Variants in LSR observed in about 807,000 individuals in gnomAD.
LSR encodes lipolysis stimulated lipoprotein receptor, also known as lipolysis-stimulated lipoprotein receptor.
In LSR, 44 loss-of-function variants were observed where a neutral mutation model predicts 61.8. The ratio of observed to expected loss-of-function variants is 0.71; its 90% CI spans 0.56 to 0.91. LSR has a LOEUF of 0.91. LSR is among the 40% of genes least tolerant of loss of function. The pLI is 0.00. For synonymous variants in LSR, 397 were observed against 350.6 expected, an observed-to-expected ratio of 1.13 and a Z score of -1.48; for missense variants, 911 against 830.5, an observed-to-expected ratio of 1.10 and a Z score of -1.19.
At chr19:35,264,874 G>A (rs2065976361) in intron 5 of LSR, 1 of 152,164 alleles carries the variant, frequency 6.6e-6, no homozygotes, top group African/African-American at 2.4e-5. Flanking sequence ...CAGCTGCTGG[G>A]CACTGCCACT....
Position 35,250,189 on chromosome 19 carries a change from A to G in LSR, c.110-126A>G, listed in dbSNP as rs188552425. 2,487 of 590,770 alleles carry G rather than the reference A, an allele frequency of 4.2e-3. 61 individuals carry two copies. Among genetic ancestry groups the G allele is most frequent in the South Asian group, 0.036 (1,122 of 31,192 alleles). 36.6% of individuals were successfully genotyped at this position (590,770 alleles called of 1,614,324 possible). ...CCTCACTGGTCCTGGCAATTAAGGA[A>G]CAATGTGTGCCAGGCACTCTGTAAA... On this transcript the variant is annotated intron_variant, in intron 1 of 9. Transcript: ENST00000605618.
At position 35,250,508 on chromosome 19, in the gene LSR, C is replaced by A. The variant is rs542223511; in HGVS notation, c.303C>A (p.Leu101=). The change falls in exon 2 of 10, where the codon CTC becomes CTA. Residue 101 remains leucine (L), a synonymous_variant. Transcript: ENST00000605618. ...AFSPASVDNQ[L]NAQLAAGNPG... ...CCCCGGCCAGCGTCGACAACCAGCTCAATGCCCAGCTGGCAGCCGGGAACC... is the reference window on the plus strand; with the variant it reads ...CCCCGGCCAGCGTCGACAACCAGCTAAATGCCCAGCTGGCAGCCGGGAACC... The A allele has an allele frequency of 6.2e-7, 1 of 1,614,158 alleles. No individual in the cohort carries two copies. Among genetic ancestry groups the A allele is most frequent in the East Asian group, 2.2e-5 (1 of 44,884 alleles).
Position 35,259,047 on chromosome 19 carries a change from C to A in LSR, c.557C>A (p.Ala186Glu), listed in dbSNP as rs768759698. The change falls in exon 3 of 10, where the codon GCA becomes GAA. Residue 186 changes from alanine to glutamate, a missense_variant. Physicochemically the swap from Ala to Glu is moderately radical, Grantham distance 107. Coordinates refer to ENST00000605618, the MANE Select transcript of LSR (RefSeq NM_205834.4). ...CTCCAGGGGAACAATGAGGCCTACGCAGAGCTCATCGTCCTTGGTGAGTGG... is the reference window on the plus strand; with the variant it reads ...CTCCAGGGGAACAATGAGGCCTACGAAGAGCTCATCGTCCTTGGTGAGTGG... ...QDLQGNNEAY[A>E]ELIVLGRTSG... The A allele has an allele frequency of 1.9e-5, 31 of 1,613,862 alleles. No homozygotes were observed. The highest frequency in any genetic ancestry group is 2.5e-5 in the Non-Finnish European group (29 of 1,179,876).
intron 2 of LSR, 136 bp downstream of exon 2, chr19:35,250,795 C>CTT (rs564341537): frequency 0.021 from 8,635 of 417,182 alleles, 31 homozygotes; most frequent in East Asian, 0.045. Context: ...GGGAGCAATT[C>CTT]TTTTTTTTTT....
In LSR at chr19:35,267,947, T is replaced by C; in HGVS notation, c.*88T>C. 1.4e-6 allele frequency: 2 copies of C among 1,457,494 alleles called. No individual in the cohort carries two copies. Among genetic ancestry groups the C allele is most frequent in the Non-Finnish European group, 1.9e-6 (2 of 1,044,884 alleles). 90.3% of individuals were successfully genotyped at this position (1,457,494 alleles called of 1,614,324 possible). A position where few individuals can be genotyped will look rare whatever the true frequency, so the allele number is the denominator to read the frequency against. ...CCTGCCATACCCCTCCCGAGTCTAA[T>C]AAAACGTATAATCACAAGCTCTGGA... On this transcript the variant is annotated 3_prime_UTR_variant, in exon 10 of 10. Coordinates refer to ENST00000605618, the MANE Select transcript of LSR (RefSeq NM_205834.4).
intron 8 of LSR, 39 bp from the exon 9 acceptor site, chr19:35,267,070 G>A: frequency 6.5e-7 from 1 of 1,529,588 alleles, no homozygotes; most frequent in Non-Finnish European, 8.8e-7. Context: ...CTGGACCCCG[G>A]GCTCCTCCAG....
rs765958583 is a variant in LSR at position 35,267,132 on chromosome 19, CA to C, written c.1169del (p.His390ProfsTer158). On this transcript the variant is annotated frameshift_variant, in exon 9 of 10. Transcript: ENST00000605618. LOFTEE classifies it high-confidence loss of function. ...ERAMSEVTSL[H>X]EDDWRSRPSR... ...AGCCATGAGTGAAGTCACCTCCCTC[CA>C]CGAGGACGACTGGCGATCTCGGCCT... The C allele has an allele frequency of 2.0e-6, 3 of 1,529,674 alleles. No homozygotes were observed. Among genetic ancestry groups the C allele is most frequent in the Non-Finnish European group, 1.7e-6 (2 of 1,142,958 alleles). 94.8% of individuals were successfully genotyped at this position (1,529,674 alleles called of 1,614,324 possible).
intron 5 of LSR, 25 bp from the exon 6 acceptor site, chr19:35,266,334 T>C: frequency 6.5e-7 from 1 of 1,543,404 alleles, no homozygotes; most frequent in East Asian, 2.3e-5. Context: ...TCATCCCCCT[T>C]CTCCTGTTGA....
intron 3 of LSR, 120 bp downstream of exon 3, chr19:35,259,184 C>T: frequency 7.7e-7 from 1 of 1,306,008 alleles, no homozygotes; most frequent in Non-Finnish European, 1.0e-6. Flanking sequence ...GTCGCCTGCT[C>T]TGCTCTCCCC....
intron 5 of LSR, chr19:35,264,646 T>A (rs529357991): frequency 7.2e-5 from 11 of 152,364 alleles, no homozygotes; most frequent in Admixed American, 6.5e-4. Flanking sequence ...TGCCAGGCAA[T>A]CCTTGCAAGC....
In LSR at chr19:35,267,150, T is replaced by G. The variant is rs760658277; in HGVS notation, c.1186T>G (p.Ser396Ala). The G allele has an allele frequency of 2.6e-6, 4 of 1,529,158 alleles. No individual in the cohort carries two copies. In the African/African-American group the frequency reaches 4.2e-5, roughly 16 times the overall value. 94.7% of individuals were successfully genotyped at this position (1,529,158 alleles called of 1,614,324 possible). Residue 396 changes from serine (S) to alanine (A), a missense_variant, in exon 9 of 10, where the codon TCT (serine) becomes GCT (alanine). Ser to Ala is a moderately conservative substitution (Grantham distance 99). Coordinates refer to ENST00000605618, the MANE Select transcript of LSR (RefSeq NM_205834.4). The stretch of plus-strand genomic sequence containing the variant: ...CTCCCTCCACGAGGACGACTGGCGA[T>G]CTCGGCCTTCCCGGGGCCCTGCCCT... ...VTSLHEDDWR[S>A]RPSRGPALTP...
In LSR at chr19:35,249,070, G is replaced by A. The variant is rs766763020; in HGVS notation, c.48G>A (p.Pro16=). ...TCTCCAGAGGGCTGGGCTCCCACCC[G>A]GCCGCCGCAGGCCGGGACGCGGTCG... ...GGLSRGLGSH[P]AAAGRDAVVF... The change falls in exon 1 of 10, where the codon CCG becomes CCA. Residue 16 remains proline (P), a synonymous_variant. Coordinates refer to ENST00000605618, the MANE Select transcript of LSR (RefSeq NM_205834.4). 9.6e-6 allele frequency: 15 copies of A among 1,562,630 alleles called. No homozygotes were observed. Among genetic ancestry groups the A allele is most frequent in the East Asian group, 2.4e-5 (1 of 42,196 alleles).
In LSR at chr19:35,250,490, C is replaced by T. The variant is rs2065778441; in HGVS notation, c.285C>T (p.Ala95=). 1.2e-6 allele frequency: 2 copies of T among 1,614,106 alleles called. No individual in the cohort carries two copies. The highest frequency in any genetic ancestry group is 2.7e-5 in the African/African-American group (2 of 75,050). ...RDRIADAFSP[A]SVDNQLNAQL... ...GCATCGCCGATGCCTTCTCCCCGGCCAGCGTCGACAACCAGCTCAATGCCC... is the reference window on the plus strand; with the variant it reads ...GCATCGCCGATGCCTTCTCCCCGGCTAGCGTCGACAACCAGCTCAATGCCC... Residue 95 remains alanine, a synonymous_variant, in exon 2 of 10, where the codon GCC becomes GCT. Coordinates refer to ENST00000605618, the MANE Select transcript of LSR (RefSeq NM_205834.4).
chr19:35,251,298 A>ATAAAGAAAACTGGG (rs1362056170), intron 2 of LSR: 1 of 152,238 alleles, frequency 6.6e-6, no homozygotes, highest in Non-Finnish European at 1.5e-5. Flanking sequence ...GTCCTTGAAG[A>ATAAAGAAAACTGGG]TAAAGAAAAC....
At chr19:35,256,733 A>T (rs73029985) in intron 2 of LSR, among the ~76,000 whole-genome samples, 424 of 38,184 alleles carry the variant, frequency 0.011, 3 homozygotes, top group East Asian at 0.076. Context: ...AATGAATGAA[A>T]GAAAGAAAGA....
At chr19:35,254,542 AC>A in intron 2 of LSR, among the ~76,000 whole-genome samples, 1 of 151,822 alleles carries the variant, frequency 6.6e-6, no homozygotes, top group Non-Finnish European at 1.5e-5. Flanking sequence ...GCCCTGTTCC[AC>A]CTCCTCGGGC....
intron 1 of LSR, 119 bp downstream of exon 1, chr19:35,249,250 A>C: frequency 7.9e-7 from 1 of 1,271,902 alleles, no homozygotes; most frequent in East Asian, 2.7e-5. Context: ...GGACCTTCCG[A>C]TCCCCTGGGT....
At chr19:35,255,867 G>T (rs562976045) in intron 2 of LSR, among the ~76,000 whole-genome samples, 88 of 152,270 alleles carry the variant, frequency 5.8e-4, no homozygotes, top group Admixed American at 1.4e-3. Context: ...AACTCTAGAA[G>T]GGCAAGGGCA....
At position 35,261,045 on chromosome 19, in the gene LSR, A is replaced by C. The variant is rs766174014; in HGVS notation, c.575-880A>C. 9.6e-4 allele frequency among the ~76,000 whole-genome samples: 146 copies of C among 152,334 alleles called. 2 individuals carry two copies. The highest frequency in any genetic ancestry group is 1.9e-3 in the Non-Finnish European group (126 of 68,024). On this transcript the variant is annotated intron_variant, in intron 3 of 9. Transcript: ENST00000605618. ...ACTGACATGCCTCTGTCCTGTTGCG[A>C]GGGCCTATAGTGCCAAGTGCATGAG...
Sources: gnomAD v4.1 joint callset for allele counts (sites outside exome capture counted in the v4.1 genomes callset) on GRCh38, gnomAD v4.1.1 for gene constraint, MANE v1.5 for transcripts, NCBI Gene and HGNC (gene_info 2026-07-23, HGNC 2026-07-21) for gene names.